MAML2: variants seen among roughly 807,000 people sequenced by gnomAD.
MAML2 encodes the protein mastermind-like protein 2.
A neutral mutation model predicts 96.1 loss-of-function variants in MAML2; 22 were observed. The ratio of observed to expected loss-of-function variants is 0.23; its 90% CI spans 0.16 to 0.33. The LOEUF (loss-of-function observed/expected upper bound fraction) is 0.33. Ranked by LOEUF, MAML2 falls within the 10% of genes least tolerant of loss-of-function variation. The pLI is 1.00. For synonymous variants in MAML2, 561 were observed against 521.3 expected (o/e 1.08, Z -1.04); for missense variants, 1,367 against 1,392.4 (o/e 0.98, Z 0.29).
intron 1 of MAML2, among the ~76,000 whole-genome samples, chr11:96,160,429 T>G (rs1252406069): frequency 4.7e-3 from 34 of 7,212 alleles, no homozygotes; most frequent in Admixed American, 8.5e-3. Flanking sequence ...GTTTTCCAAT[T>G]TTTTTTTTTT....
intron 1 of MAML2, among the ~76,000 whole-genome samples, chr11:96,236,520 A>T (rs1862369505): frequency 6.6e-6 from 1 of 152,220 alleles, no homozygotes; most frequent in Non-Finnish European, 1.5e-5. Context: ...CTGAGCCAGA[A>T]ATCATTCGTT....
At chr11:96,253,067 C>T (rs1247766462) in intron 1 of MAML2, among the ~76,000 whole-genome samples, 1 of 152,082 alleles carries the variant, frequency 6.6e-6, no homozygotes, top group Non-Finnish European at 1.5e-5. Context: ...GCATAATCCC[C>T]CTCGCACAGA....
At chr11:96,295,535 A>G (rs142734989) in intron 1 of MAML2, among the ~76,000 whole-genome samples, 151 of 152,352 alleles carry the variant, frequency 9.9e-4, no homozygotes, top group Admixed American at 1.6e-3. Context: ...GGAATGTTTC[A>G]TCCCAAGACC....
At chr11:96,150,818 C>G (rs1463332745) in intron 1 of MAML2, among the ~76,000 whole-genome samples, 1 of 152,082 alleles carries the variant, frequency 6.6e-6, no homozygotes. Flanking sequence ...GTTTCCAGGC[C>G]TCCCCAACTC....
intron 1 of MAML2, among the ~76,000 whole-genome samples, chr11:96,170,716 T>C (rs1353407818): frequency 6.6e-6 from 1 of 151,984 alleles, no homozygotes; most frequent in Non-Finnish European, 1.5e-5. Flanking sequence ...TGTGTGTAGA[T>C]TCTACTTTTT....
chr11:96,028,955 G>A (rs1038187378), intron 2 of MAML2, among the ~76,000 whole-genome samples: 2 of 152,224 alleles, frequency 1.3e-5, no homozygotes, highest in South Asian at 2.1e-4. Flanking sequence ...TCAGGACAGT[G>A]TTGCTTTTGC....
chr11:96,309,696 A>ATTTT (rs36116461), intron 1 of MAML2, among the ~76,000 whole-genome samples: 3 of 138,734 alleles, frequency 2.2e-5, no homozygotes, highest in Non-Finnish European at 3.1e-5. Context: ...CAAAGGAACA[A>ATTTT]TTTTTTTTTT....
At chr11:96,257,871 G>A (rs1318220247) in intron 1 of MAML2, among the ~76,000 whole-genome samples, 2 of 152,136 alleles carry the variant, frequency 1.3e-5, no homozygotes, top group Non-Finnish European at 2.9e-5. Context: ...GGGATGGTGA[G>A]GACTGGAATA....
At chr11:96,034,773 C>T (rs1858685755) in intron 2 of MAML2, among the ~76,000 whole-genome samples, 1 of 152,126 alleles carries the variant, frequency 6.6e-6, no homozygotes, top group Non-Finnish European at 1.5e-5. Context: ...GCACTGGACT[C>T]AGACTATCCA....
intron 2 of MAML2, among the ~76,000 whole-genome samples, chr11:96,014,518 T>C (rs535271962): frequency 2.0e-5 from 3 of 152,292 alleles, no homozygotes; most frequent in Non-Finnish European, 4.4e-5. Flanking sequence ...GAGAGAAAGC[T>C]TTCAGGTTTT....
At chr11:96,245,390 A>G (rs1033764680) in intron 1 of MAML2, among the ~76,000 whole-genome samples, 2 of 152,158 alleles carry the variant, frequency 1.3e-5, no homozygotes, top group African/African-American at 4.8e-5. Context: ...TTTGTTTCCC[A>G]AGTAAGAGCT....
At chr11:96,250,624 T>C (rs145656386) in intron 1 of MAML2, among the ~76,000 whole-genome samples, 145 of 152,326 alleles carry the variant, frequency 9.5e-4, no homozygotes, top group African/African-American at 3.4e-3. Context: ...ATGAATATAT[T>C]GATGTCACAC....
chr11:96,196,227 T>C (rs1405301698), intron 1 of MAML2, among the ~76,000 whole-genome samples: 6 of 152,184 alleles, frequency 3.9e-5, no homozygotes, highest in African/African-American at 1.4e-4. Flanking sequence ...ATGAGATCAT[T>C]GTTCGTGTGT....
chr11:96,237,517 C>T lies in MAML2; in HGVS notation c.513+103866G>A, dbSNP rs1242892687. 3.3e-5 allele frequency among the ~76,000 whole-genome samples: 5 copies of T among 152,324 alleles called. No homozygotes were observed. The South Asian group carries it at 6.2e-4, about 19-fold the overall frequency. ...TTTTCTAACTCCAATTAAATTGTCA[C>T]CTCCCGATAAGTGAAGCTGTGTTTC... On this transcript the variant is annotated intron_variant, in intron 1 of 4. Coordinates refer to ENST00000524717, the MANE Select transcript of MAML2 (RefSeq NM_032427.4).
At chr11:96,016,957 C>T (rs999935328) in intron 2 of MAML2, among the ~76,000 whole-genome samples, 15 of 151,848 alleles carry the variant, frequency 9.9e-5, no homozygotes, top group African/African-American at 3.4e-4. Context: ...TATATGGAAA[C>T]TATATAAAAT....
chr11:96,328,805 T>G (rs1297538607), intron 1 of MAML2, among the ~76,000 whole-genome samples: 1 of 152,128 alleles, frequency 6.6e-6, no homozygotes, highest in Non-Finnish European at 1.5e-5. Flanking sequence ...GTGATTATAC[T>G]CTCTGCTTAG....
At chr11:96,112,909 A>C (rs1233075156) in intron 1 of MAML2, among the ~76,000 whole-genome samples, 1 of 152,252 alleles carries the variant, frequency 6.6e-6, no homozygotes, top group Non-Finnish European at 1.5e-5. Context: ...TGCTGAGAAG[A>C]AACACTGGGG....
chr11:96,315,910 G>A (rs546950609), intron 1 of MAML2, among the ~76,000 whole-genome samples: 81 of 152,340 alleles, frequency 5.3e-4, no homozygotes, highest in Middle Eastern at 3.4e-3. Context: ...TCGGCAGGTA[G>A]ACTGAAGCCA....
At chr11:96,179,304 A>G (rs1324199177) in intron 1 of MAML2, among the ~76,000 whole-genome samples, 1 of 152,254 alleles carries the variant, frequency 6.6e-6, no homozygotes, top group Non-Finnish European at 1.5e-5. Context: ...TACAGAAGCC[A>G]GAGAATGGAG....
Sources: allele counts gnomAD v4.1 joint callset (sites outside exome capture counted in the v4.1 genomes callset), GRCh38; gene constraint gnomAD v4.1.1; transcripts MANE v1.5; gene names NCBI Gene and HGNC (gene_info 2026-07-23, HGNC 2026-07-21).